DIAPH3: variants seen among roughly 807,000 people sequenced by gnomAD.
DIAPH3 encodes the protein diaphanous related formin 3, also known as protein diaphanous homolog 3.
In DIAPH3, 117 loss-of-function variants were observed where a neutral mutation model predicts 144.3. The ratio of observed to expected loss-of-function variants is 0.81; its 90% CI spans 0.70 to 0.95. The LOEUF (loss-of-function observed/expected upper bound fraction) is 0.95. Ranked by LOEUF, DIAPH3 falls within the 40% of genes least tolerant of loss-of-function variation. DIAPH3 has a pLI of 0.00. For missense variants in DIAPH3, 1,421 were observed against 1,412.7 expected (o/e 1.01, Z -0.09); for synonymous variants, 519 against 488.9 (o/e 1.06, Z -0.81).
chr13:59,745,858 C>G (rs771391512), intron 27 of DIAPH3, among the ~76,000 whole-genome samples: 4 of 152,198 alleles, frequency 2.6e-5, no homozygotes, highest in African/African-American at 4.8e-5. Context: ...CCCAACTACT[C>G]TGCTCTGCTT....
chr13:59,913,524 A>T (rs1821744616), intron 19 of DIAPH3, among the ~76,000 whole-genome samples: 1 of 152,138 alleles, frequency 6.6e-6, no homozygotes, highest in South Asian at 2.1e-4. Flanking sequence ...ACATACACTC[A>T]CAAAGCATAC....
chr13:59,813,667 A>G (rs924401688), intron 24 of DIAPH3, among the ~76,000 whole-genome samples: 7 of 152,092 alleles, frequency 4.6e-5, no homozygotes, highest in African/African-American at 1.7e-4. Flanking sequence ...CATCCTGGCC[A>G]ACATGGTGAA....
intron 17 of DIAPH3, among the ~76,000 whole-genome samples, chr13:59,925,166 C>CA (rs1246423788): frequency 6.6e-6 from 1 of 152,022 alleles, no homozygotes; most frequent in Non-Finnish European, 1.5e-5. Flanking sequence ...AGAATAACTA[C>CA]AATTAGCTCA....
At chr13:59,754,154 A>G (rs945660392) in intron 27 of DIAPH3, among the ~76,000 whole-genome samples, 4 of 152,146 alleles carry the variant, frequency 2.6e-5, no homozygotes, top group Admixed American at 1.3e-4. Flanking sequence ...TCTACTTCTG[A>G]TATTTTTGAG....
chr13:59,955,345 C>A (rs979934869), intron 17 of DIAPH3, among the ~76,000 whole-genome samples: 1 of 151,938 alleles, frequency 6.6e-6, no homozygotes, highest in Non-Finnish European at 1.5e-5. Context: ...TTCATGAGAG[C>A]TGATATTTTT....
chr13:59,715,462 A>G (rs2034998283), intron 27 of DIAPH3, among the ~76,000 whole-genome samples: 1 of 152,238 alleles, frequency 6.6e-6, no homozygotes. Flanking sequence ...TTATAGACAC[A>G]TAACACGCAA....
At chr13:60,130,235 G>C (rs2059105640) in intron 2 of DIAPH3, among the ~76,000 whole-genome samples, 1 of 152,182 alleles carries the variant, frequency 6.6e-6, no homozygotes, top group African/African-American at 2.4e-5. Context: ...TCCTGTTGAA[G>C]ATAGCCATGC....
intron 1 of DIAPH3, among the ~76,000 whole-genome samples, chr13:60,134,656 T>C (rs576599853): frequency 5.3e-5 from 8 of 152,114 alleles, no homozygotes; most frequent in Admixed American, 2.0e-4. Flanking sequence ...ATCACTCCAA[T>C]CACATCTCAT....
chr13:59,762,709 G>T (rs944485220), intron 27 of DIAPH3, among the ~76,000 whole-genome samples: 31 of 151,712 alleles, frequency 2.0e-4, no homozygotes, highest in Non-Finnish European at 4.1e-4. Flanking sequence ...CAGATTAATT[G>T]TAAGATTCAC....
At position 59,833,088 on chromosome 13, in the gene DIAPH3, A is replaced by G; in HGVS notation, c.3027+19T>C. On this transcript the variant is annotated intron_variant, in intron 24 of 27. Transcript: ENST00000400324. ...GTATAAATAAAAAAACTTTTTAAAA[A>G]ACAATTTTTTTACCATACCATGAAT... 6.2e-7 allele frequency: 1 copy of G among 1,600,602 alleles called. No homozygotes were observed. The highest frequency in any genetic ancestry group is 8.5e-7 in the Non-Finnish European group (1 of 1,173,450).
chr13:59,685,068 G>A (rs2033145302), intron 27 of DIAPH3, among the ~76,000 whole-genome samples: 2 of 152,072 alleles, frequency 1.3e-5, no homozygotes, highest in African/African-American at 2.4e-5. Context: ...TTAATATGAA[G>A]TTTGAGGATT....
intron 9 of DIAPH3, among the ~76,000 whole-genome samples, chr13:59,995,829 C>T (rs1379242686): frequency 6.6e-6 from 1 of 151,886 alleles, no homozygotes; most frequent in Non-Finnish European, 1.5e-5. Flanking sequence ...CAAAATAAAG[C>T]AATTGCCATA....
chr13:59,948,373 T>C (rs1454399148), intron 17 of DIAPH3, among the ~76,000 whole-genome samples: 1 of 152,228 alleles, frequency 6.6e-6, no homozygotes, highest in Non-Finnish European at 1.5e-5. Context: ...ACTCTCCTTG[T>C]GTCCAAGAAA....
rs576841629 is a variant in DIAPH3, at chr13:59,969,886, A to G, written c.2074+58T>C. ...ATGTTTTCTGAAAATTGATACATAA[A>G]AAGTATATGTTAAAATTCTAAAATC... On this transcript the variant is annotated intron_variant, in intron 17 of 27. Coordinates refer to ENST00000400324, the MANE Select transcript of DIAPH3 (RefSeq NM_001042517.2). 4 of 1,119,182 alleles carry G rather than the reference A, an allele frequency of 3.6e-6. No individual in the cohort carries two copies. In the African/African-American group the frequency reaches 6.3e-5, roughly 18 times the overall value. The allele number at this position is 1,119,182 out of a possible 1,614,324, so 69.3% of individuals were successfully genotyped here. A position where few individuals can be genotyped will look rare whatever the true frequency, so the allele number is the denominator to read the frequency against.
intron 27 of DIAPH3, among the ~76,000 whole-genome samples, chr13:59,697,354 G>A (rs2033861655): frequency 6.6e-6 from 1 of 150,814 alleles, no homozygotes; most frequent in African/African-American, 2.4e-5. Context: ...CAGCTGCTCA[G>A]GAGGCTGAGG....
intron 27 of DIAPH3, among the ~76,000 whole-genome samples, chr13:59,745,715 A>G (rs918671895): frequency 6.6e-6 from 1 of 152,234 alleles, no homozygotes; most frequent in African/African-American, 2.4e-5. Flanking sequence ...CAGCCTACCC[A>G]GCACTGTTCT....
At chr13:60,137,593 G>A (rs1348013494) in intron 1 of DIAPH3, among the ~76,000 whole-genome samples, 1 of 152,108 alleles carries the variant, frequency 6.6e-6, no homozygotes, top group South Asian at 2.1e-4. Flanking sequence ...TGGAGCAAAG[G>A]ATCTGTCCAT....
chr13:59,880,377 C>T (rs1228880673), intron 20 of DIAPH3, among the ~76,000 whole-genome samples: 1 of 151,928 alleles, frequency 6.6e-6, no homozygotes, highest in Non-Finnish European at 1.5e-5. Context: ...TGAACTTCAA[C>T]AACTATTGTA....
At chr13:59,891,748 CAG>C in intron 20 of DIAPH3, among the ~76,000 whole-genome samples, 1 of 152,008 alleles carries the variant, frequency 6.6e-6, no homozygotes, top group Admixed American at 6.6e-5. Flanking sequence ...CTATAGCAAA[CAG>C]AAACACAAGA....
Sources: allele counts gnomAD v4.1 joint callset (sites outside exome capture counted in the v4.1 genomes callset), GRCh38; gene constraint gnomAD v4.1.1; transcripts MANE v1.5; gene names NCBI Gene and HGNC (gene_info 2026-07-23, HGNC 2026-07-21).